NCOA6: variants seen among roughly 807,000 people sequenced by gnomAD.
The protein encoded by NCOA6 is nuclear receptor coactivator 6, also known as NRC RAP250.
A neutral mutation model predicts 171.4 loss-of-function variants in NCOA6; 49 were observed. That is an observed-to-expected ratio of 0.29 (90% CI 0.23 to 0.36). The LOEUF (loss-of-function observed/expected upper bound fraction) is 0.36, where lower values mean the gene tolerates loss of function less well. NCOA6 is among the 10% of genes least tolerant of loss of function. NCOA6 has a pLI of 1.00. For synonymous variants in NCOA6, 910 were observed against 927.5 expected, an observed-to-expected ratio of 0.98 and a Z score of 0.34; for missense variants, 2,248 against 2,554.5, an observed-to-expected ratio of 0.88 and a Z score of 2.59.
chr20:34,768,623 GAAT>G, intron 4 of NCOA6, 37 bp from the exon 5 acceptor site: 1 of 1,607,900 alleles, frequency 6.2e-7, no homozygotes, highest in Non-Finnish European at 8.5e-7. Flanking sequence ...GAAATCATTA[GAAT>G]AAAATGCAAA....
chr20:34,755,400 T>A (rs554258955), intron 7 of NCOA6, among the ~76,000 whole-genome samples: 75 of 152,328 alleles, frequency 4.9e-4, no homozygotes, highest in African/African-American at 1.8e-3. Flanking sequence ...CGCTTGTCTC[T>A]TTGGAAGAGA....
intron 14 of NCOA6, among the ~76,000 whole-genome samples, chr20:34,716,139 A>T (rs1043473145): frequency 6.6e-6 from 1 of 151,192 alleles, no homozygotes; most frequent in African/African-American, 2.4e-5. Context: ...GAATTGCTTG[A>T]ACTACGGAGG....
chr20:34,790,105 T>C (rs2077823515), intron 2 of NCOA6, among the ~76,000 whole-genome samples: 6 of 150,768 alleles, frequency 4.0e-5, no homozygotes, highest in Admixed American at 4.0e-4. Flanking sequence ...AGAATAACTC[T>C]AAATTACACA....
intron 8 of NCOA6, among the ~76,000 whole-genome samples, chr20:34,753,819 C>G (rs2076566568): frequency 6.6e-6 from 1 of 152,126 alleles, no homozygotes; most frequent in South Asian, 2.1e-4. Flanking sequence ...AGATTTTTGT[C>G]TCATTCCTTA....
chr20:34,814,418 C>T (rs2078766051), intron 1 of NCOA6, among the ~76,000 whole-genome samples: 1 of 151,714 alleles, frequency 6.6e-6, no homozygotes, highest in Non-Finnish European at 1.5e-5. Context: ...GTATTTTAGA[C>T]TTTGGTTGTC....
At chr20:34,738,083 T>C (rs938383196) in intron 11 of NCOA6, among the ~76,000 whole-genome samples, 5 of 152,052 alleles carry the variant, frequency 3.3e-5, no homozygotes. Flanking sequence ...ATATTTTTTT[T>C]GTAGAGACAG....
At chr20:34,791,654 G>A (rs961916210) in intron 2 of NCOA6, among the ~76,000 whole-genome samples, 1 of 152,112 alleles carries the variant, frequency 6.6e-6, no homozygotes, top group Non-Finnish European at 1.5e-5. Context: ...GTGTCTTTAA[G>A]GAAAACCAGC....
rs2078653975 is a variant in NCOA6, at chr20:34,811,223, A to AG, written c.-164+14248_-164+14249insC. ...CGTGTATATATATATATATATATAT[A>AG]TATATATATATATGCTTTCAAAATG... On this transcript the variant is annotated intron_variant, in intron 1 of 14. Coordinates refer to ENST00000359003, the MANE Select transcript of NCOA6 (RefSeq NM_014071.5). Among the ~76,000 whole-genome samples, 25 of 135,860 alleles carry AG rather than the reference A, an allele frequency of 1.8e-4. 1 individual carries two copies. The highest frequency in any genetic ancestry group is 1.8e-3 in the Admixed American group (25 of 13,808). The allele number at this position is 135,860 out of a possible 152,430, so 89.1% of individuals were successfully genotyped here.
intron 7 of NCOA6, 124 bp from the exon 8 acceptor site, chr20:34,754,992 G>A: frequency 1.1e-6 from 1 of 885,330 alleles, no homozygotes. Flanking sequence ...CTGTCACACT[G>A]GTAGGATCTT....
At chr20:34,722,751 C>T (rs924389811) in intron 14 of NCOA6, among the ~76,000 whole-genome samples, 2 of 151,326 alleles carry the variant, frequency 1.3e-5, no homozygotes, top group Admixed American at 1.3e-4. Flanking sequence ...TTTGGGAGGC[C>T]GAGGCAAGTG....
intron 1 of NCOA6, among the ~76,000 whole-genome samples, chr20:34,813,826 C>A (rs2078748890): frequency 6.6e-6 from 1 of 151,926 alleles, no homozygotes; most frequent in East Asian, 1.9e-4. Context: ...TGAAGAACTG[C>A]TATTATACTA....
intron 13 of NCOA6, among the ~76,000 whole-genome samples, chr20:34,732,035 A>G (rs773319927): frequency 3.9e-5 from 6 of 152,212 alleles, no homozygotes; most frequent in Non-Finnish European, 8.8e-5. Flanking sequence ...AAAAGGCATG[A>G]CTTTTGGAAA....
chr20:34,718,852 T>C (rs181322464), intron 14 of NCOA6, among the ~76,000 whole-genome samples: 221 of 152,310 alleles, frequency 1.5e-3, no homozygotes, highest in Non-Finnish European at 2.7e-3. Flanking sequence ...ATGTAGAGGC[T>C]AATGATCCAG....
chr20:34,788,962 T>A (rs1468454831), intron 2 of NCOA6, among the ~76,000 whole-genome samples: 3 of 152,096 alleles, frequency 2.0e-5, no homozygotes, highest in African/African-American at 7.2e-5. Context: ...AATAAATAAA[T>A]AAATCTCTTT....
intron 5 of NCOA6, among the ~76,000 whole-genome samples, chr20:34,759,914 A>T (rs1270786969): frequency 6.6e-6 from 1 of 152,176 alleles, no homozygotes; most frequent in Non-Finnish European, 1.5e-5. Context: ...GCAGTTTGAG[A>T]ACTCCTCTTT....
intron 13 of NCOA6, among the ~76,000 whole-genome samples, chr20:34,729,698 T>C (rs1990378856): frequency 6.6e-6 from 1 of 152,186 alleles, no homozygotes; most frequent in South Asian, 2.1e-4. Context: ...CATCAGATTG[T>C]ACATCGTGTT....
At chr20:34,723,926 G>A (rs534897543) in intron 14 of NCOA6, among the ~76,000 whole-genome samples, 1 of 152,130 alleles carries the variant, frequency 6.6e-6, no homozygotes, top group East Asian at 1.9e-4. Flanking sequence ...CCTTTTCCCC[G>A]CTTTAAAGGT....
chr20:34,727,340 G>T lies in NCOA6; in HGVS notation c.6067C>A (p.Pro2023Thr). Reference protein sequence around the residue: ...PGRRNSRTEEPTVASESVENG... With the variant: ...PGRRNSRTEETTVASESVENG... ...TCCACACTTTCAGAGGCCACAGTTGGCTCTTCAGTTCGGGAGTTTCTTCGG... is the reference window on the plus strand; with the variant it reads ...TCCACACTTTCAGAGGCCACAGTTGTCTCTTCAGTTCGGGAGTTTCTTCGG... The change falls in exon 14 of 15, where the codon CCA (proline) becomes ACA (threonine). Residue 2023 changes from proline to threonine, a missense_variant. Pro to Thr is a conservative substitution (Grantham distance 38, BLOSUM62 -1). Around this residue, in one of 7 missense-constraint regions of NCOA6, gnomAD observed 884 missense variants for 941.9 expected, o/e 0.94. Coordinates refer to ENST00000359003, the MANE Select transcript of NCOA6 (RefSeq NM_014071.5). The T allele has an allele frequency of 6.2e-7, 1 of 1,614,138 alleles. No individual in the cohort carries two copies. Among genetic ancestry groups the T allele is most frequent in the Non-Finnish European group, 8.5e-7 (1 of 1,180,034 alleles).
Position 34,743,091 on chromosome 20 carries a change from A to G in NCOA6, c.3165T>C (p.His1055=), listed in dbSNP as rs1236030266. The change falls in exon 11 of 15, where the codon CAT becomes CAC. Residue 1055 remains histidine, a synonymous_variant. Transcript: ENST00000359003. ...SVRLPVSQNV[H]PPRGPLNPDS... ...CGGGGTTCAGGGGGCCCCTTGGAGGATGGACATTTTGAGAGACTGGAAGCC... is the reference window on the plus strand; with the variant it reads ...CGGGGTTCAGGGGGCCCCTTGGAGGGTGGACATTTTGAGAGACTGGAAGCC... The G allele has an allele frequency of 6.2e-7, 1 of 1,613,370 alleles. No homozygotes were observed. Among genetic ancestry groups the G allele is most frequent in the Non-Finnish European group, 8.5e-7 (1 of 1,179,516 alleles).
Sources: allele counts gnomAD v4.1 joint callset (sites outside exome capture counted in the v4.1 genomes callset), GRCh38; gene constraint gnomAD v4.1.1; regional missense constraint gnomAD v4.1.1; transcripts MANE v1.5; gene names NCBI Gene and HGNC (gene_info 2026-07-23, HGNC 2026-07-21).